The following RUNX1T1 variants were observed in gnomAD, a reference collection of about 807,000 sequenced individuals.
RUNX1T1 encodes protein CBFA2T1.
Under a neutral mutation model 62.8 loss-of-function variants are expected in RUNX1T1, and 4 were observed. The ratio of observed to expected loss-of-function variants is 0.06; its 90% CI spans 0.03 to 0.15. RUNX1T1 has a LOEUF of 0.15. Ranked by LOEUF, RUNX1T1 falls within the 10% of genes least tolerant of loss-of-function variation. RUNX1T1 has a pLI of 1.00. For missense variants in RUNX1T1, 508 were observed against 754.3 expected (o/e 0.67, Z 3.82); for synonymous variants, 291 against 286.0 (o/e 1.02, Z -0.18).
intron 8 of RUNX1T1, 23 bp downstream of exon 9, chr8:91,986,101 A>C: frequency 1.3e-6 from 2 of 1,506,428 alleles, no homozygotes; most frequent in Non-Finnish European, 1.8e-6. Flanking sequence ...TGTTTTCGAG[A>C]TACTCATCTG....
intron 5 of RUNX1T1, chr8:92,003,407 C>T (rs982964339): frequency 6.6e-6 from 3 of 455,886 alleles, no homozygotes; most frequent in East Asian, 1.4e-4. Context: ...ATGAATGAAA[C>T]AGATTTTCAT....
exon 11 of RUNX1T1, chr8:91,959,607 G>A: frequency 4.6e-6 from 1 of 219,254 alleles, no homozygotes; most frequent in African/African-American, 2.3e-5. Context: ...CTGTTGACCT[G>A]GATATTATTA....
intron 5 of RUNX1T1, among the ~76,000 whole-genome samples, chr8:92,002,205 T>C (rs1369818261): frequency 3.3e-5 from 5 of 152,154 alleles, no homozygotes; most frequent in Middle Eastern, 3.2e-3. Context: ...TAATAAAAAT[T>C]ATCTTTTTCT....
At chr8:92,039,625 ATTGAGTATCTCTGCACT>A (rs1828066601) in intron 1 of RUNX1T1, among the ~76,000 whole-genome samples, 1 of 152,180 alleles carries the variant, frequency 6.6e-6, no homozygotes. Flanking sequence ...CCACCTTGCC[ATTGAGTATCTCTGCACT>A]AATACACCAA....
chr8:92,051,752 C>T (rs1219910925), intron 1 of RUNX1T1, among the ~76,000 whole-genome samples: 2 of 152,074 alleles, frequency 1.3e-5, no homozygotes, highest in Non-Finnish European at 2.9e-5. Context: ...AATTGGTATG[C>T]AAGGGATGTT....
intron 2 of RUNX1T1, among the ~76,000 whole-genome samples, 154 bp from the exon 4 acceptor site, chr8:92,014,974 T>C (rs2131142480): frequency 6.6e-6 from 1 of 152,362 alleles, no homozygotes; most frequent in East Asian, 1.9e-4. Context: ...ACAGGGTTAC[T>C]ACATTCTCAG....
intron 1 of RUNX1T1, among the ~76,000 whole-genome samples, chr8:92,047,791 G>A (rs1409430788): frequency 1.3e-5 from 2 of 151,390 alleles, no homozygotes; most frequent in Non-Finnish European, 2.9e-5. Context: ...AAAGACAAGA[G>A]TCCTTAACCT....
intron 8 of RUNX1T1, chr8:91,980,033 GT>G (rs1814875743): frequency 3.6e-6 from 1 of 280,746 alleles, no homozygotes; most frequent in African/African-American, 2.3e-5. Context: ...AATGCCACTT[GT>G]TTTTAAGGAT....
At chr8:91,971,864 A>G (rs1050405679) in intron 9 of RUNX1T1, among the ~76,000 whole-genome samples, 5 of 152,284 alleles carry the variant, frequency 3.3e-5, no homozygotes, top group African/African-American at 1.2e-4. Flanking sequence ...CTGACAACTA[A>G]AACAAGTAAT....
At chr8:91,957,686 G>A (rs1052508056), downstream of RUNX1T1, 8 of 226,046 alleles carry the variant, frequency 3.5e-5, no homozygotes, top group African/African-American at 1.1e-4. Context: ...TTAACCCTTC[G>A]TAGCCTAGAA....
At chr8:92,017,542 G>A in intron 1 of RUNX1T1, 179 bp from the exon 3 acceptor site, 6 of 1,484,598 alleles carry the variant, frequency 4.0e-6, no homozygotes, top group Non-Finnish European at 5.3e-6. Context: ...ACTTAAGAAG[G>A]TATAGCACAG....
intron 5 of RUNX1T1, among the ~76,000 whole-genome samples, chr8:92,002,891 T>A (rs1180224992): frequency 6.6e-6 from 1 of 152,098 alleles, no homozygotes; most frequent in South Asian, 2.1e-4. Context: ...GCAAACAAGA[T>A]GCAGAAAATA....
intron 2 of RUNX1T1, 47 bp downstream of exon 2, chr8:92,075,918 T>C: frequency 6.7e-7 from 1 of 1,492,616 alleles, no homozygotes; most frequent in South Asian, 1.2e-5. Flanking sequence ...TTGATTTTTC[T>C]GGTACGTAAG....
chr8:91,967,372 GC>G (rs1199945827), intron 10 of RUNX1T1, among the ~76,000 whole-genome samples: 1 of 151,638 alleles, frequency 6.6e-6, no homozygotes, highest in Non-Finnish European at 1.5e-5. Context: ...AATTTTACAC[GC>G]CCCCCTCCCC....
chr8:91,991,996 C>T, intron 5 of RUNX1T1, 107 bp from the exon 7 acceptor site: 1 of 1,213,422 alleles, frequency 8.2e-7, no homozygotes, highest in Non-Finnish European at 1.2e-6. Flanking sequence ...TTTTTATTGG[C>T]CAGAAACCTT....
chr8:92,027,863 G>C (rs1055085890), intron 1 of RUNX1T1, among the ~76,000 whole-genome samples: 2 of 151,918 alleles, frequency 1.3e-5, no homozygotes, highest in African/African-American at 4.8e-5. Context: ...CTCCATACAG[G>C]GACAACAGGA....
At chr8:92,056,383 A>G (rs937436318) in intron 1 of RUNX1T1, among the ~76,000 whole-genome samples, 1 of 152,180 alleles carries the variant, frequency 6.6e-6, no homozygotes, top group Non-Finnish European at 1.5e-5. Context: ...ATAGCTCTTA[A>G]AGTGAAACTC....
intron 5 of RUNX1T1, chr8:91,994,640 T>C (rs1181986564): frequency 2.0e-6 from 1 of 502,142 alleles, no homozygotes; most frequent in Admixed American, 2.3e-5. Context: ...AATGAAAGGG[T>C]TGGACTAGAT....
At chr8:92,053,766 C>T (rs1830588004) in intron 1 of RUNX1T1, among the ~76,000 whole-genome samples, 2 of 152,174 alleles carry the variant, frequency 1.3e-5, no homozygotes, top group African/African-American at 2.4e-5. Context: ...CAGTCTACCT[C>T]TCATCCACTC....
Sources: gnomAD v4.1 joint callset for allele counts (sites outside exome capture counted in the v4.1 genomes callset) on GRCh38, gnomAD v4.1.1 for gene constraint, MANE v1.5 for transcripts, NCBI Gene and HGNC (gene_info 2026-07-23, HGNC 2026-07-21) for gene names.